NSMAF: variants seen among roughly 807,000 people sequenced by gnomAD.
NSMAF encodes the protein neutral sphingomyelinase activation associated factor.
A neutral mutation model predicts 134.9 loss-of-function variants in NSMAF; 90 were observed. The ratio of observed to expected loss-of-function variants is 0.67; its 90% CI spans 0.56 to 0.79. The LOEUF is 0.79. Ranked by LOEUF, NSMAF falls within the 30% of genes least tolerant of loss-of-function variation. The probability of loss-of-function intolerance (pLI) is 0.00; values close to 1 mark genes in which losing one functional copy is unlikely to be tolerated. For missense variants in NSMAF, 1,010 were observed against 1,119.0 expected, an observed-to-expected ratio of 0.90 and a Z score of 1.39; for synonymous variants, 358 against 389.6, an observed-to-expected ratio of 0.92 and a Z score of 0.96.
chr8:58,636,959 A>C (rs1311525488), intron 2 of NSMAF, among the ~76,000 whole-genome samples: 4 of 152,178 alleles, frequency 2.6e-5, no homozygotes, highest in Non-Finnish European at 4.4e-5. Flanking sequence ...TTATTTATCA[A>C]GTGTTACAAA....
chr8:58,659,170 G>A (rs558993247), intron 1 of NSMAF: 3 of 1,412,880 alleles, frequency 2.1e-6, no homozygotes, highest in East Asian at 5.9e-5. Context: ...TTAGAAAGGG[G>A]GTGCCCGCCG....
chr8:58,659,556 T>C lies in NSMAF; in HGVS notation c.59+17A>G. On this transcript the variant is annotated intron_variant, in intron 1 of 30. Transcript: ENST00000038176. The stretch of plus-strand genomic sequence containing the variant: ...GACTAGGCCCCCGGCTGGGCCCTTC[T>C]TCAGCTGGGCGCGCACCTCTCCTTG... The C allele has an allele frequency of 6.6e-7, 1 of 1,525,804 alleles. No individual in the cohort carries two copies. The highest frequency in any genetic ancestry group is 8.8e-7 in the Non-Finnish European group (1 of 1,137,444). 94.5% of individuals were successfully genotyped at this position (1,525,804 alleles called of 1,614,324 possible).
intron 9 of NSMAF, among the ~76,000 whole-genome samples, chr8:58,614,518 G>T (rs974599651): frequency 3.9e-5 from 6 of 152,214 alleles, no homozygotes; most frequent in African/African-American, 9.6e-5. Context: ...CATCTGGGTT[G>T]CATAGCAATG....
intron 11 of NSMAF, among the ~76,000 whole-genome samples, chr8:58,606,607 T>A (rs932671539): frequency 6.6e-6 from 1 of 152,130 alleles, no homozygotes; most frequent in African/African-American, 2.4e-5. Context: ...CCTAACAAAT[T>A]GATAATTGAA....
At chr8:58,615,824 T>C (rs1246604185) in intron 9 of NSMAF, among the ~76,000 whole-genome samples, 1 of 152,096 alleles carries the variant, frequency 6.6e-6, no homozygotes, top group Non-Finnish European at 1.5e-5. Context: ...AAAGTAGACA[T>C]CAACTATAAG....
Position 58,643,007 on chromosome 8 carries a change from C to A in NSMAF, c.126G>T (p.Leu42Phe), listed in dbSNP as rs778789355. 1.7e-5 allele frequency: 28 copies of A among 1,613,832 alleles called. No homozygotes were observed. The Middle Eastern group carries it at 6.6e-4, about 38-fold the overall frequency. ...ACCTTTCATGGTGACTGCCCTTGTG[C>A]AAAATGTGATTGGCTCTATGCTGTT... ...YFEQHRANHI[L>F]HKGSHHERKI... The change falls in exon 2 of 31, where the codon TTG (leucine) becomes TTT (phenylalanine). Residue 42 changes from leucine to phenylalanine, a missense_variant. Leu to Phe is a conservative substitution (Grantham distance 22). Transcript: ENST00000038176.
intron 7 of NSMAF, 91 bp downstream of exon 7, chr8:58,623,618 T>A: frequency 8.5e-7 from 1 of 1,182,672 alleles, no homozygotes; most frequent in African/African-American, 1.5e-5. Flanking sequence ...AGAAAACAGA[T>A]GATGATTTGG....
At chr8:58,639,662 A>C (rs528069055) in intron 2 of NSMAF, among the ~76,000 whole-genome samples, 114 of 152,366 alleles carry the variant, frequency 7.5e-4, no homozygotes, top group Non-Finnish European at 1.4e-3. Context: ...TCCCATGTTC[A>C]TTACAGTATT....
chr8:58,643,844 T>C (rs997808870), intron 1 of NSMAF, among the ~76,000 whole-genome samples: 3 of 152,346 alleles, frequency 2.0e-5, no homozygotes, highest in East Asian at 3.9e-4. Flanking sequence ...GATCTTTAGA[T>C]ATTCCCTTGT....
chr8:58,623,382 C>T lies in NSMAF; in HGVS notation c.499G>A (p.Ala167Thr), dbSNP rs367758314. The change falls in exon 8 of 31, where the codon GCC becomes ACC. Residue 167 changes from alanine (A) to threonine (T), a missense_variant. Ala to Thr is a moderately conservative substitution (Grantham distance 58, BLOSUM62 0). Transcript: ENST00000038176. ...ACATTGTTAAGAATACTTACCATGGCGGTTTGGTCACCCAATTTGTCAAGG... is the reference window on the plus strand; with the variant it reads ...ACATTGTTAAGAATACTTACCATGGTGGTTTGGTCACCCAATTTGTCAAGG... ...SCLDKLGDQTAMITAILQSRL... is the reference protein window; with the variant it reads ...SCLDKLGDQTTMITAILQSRL... The T allele has an allele frequency of 1.9e-5, 31 of 1,613,842 alleles. No individual in the cohort carries two copies. The highest frequency in any genetic ancestry group is 1.7e-4 in the Middle Eastern group (1 of 6,058).
At chr8:58,643,159 A>T (rs527615471) in intron 1 of NSMAF, 86 bp from the exon 2 acceptor site, 1 of 967,888 alleles carries the variant, frequency 1.0e-6, no homozygotes, top group African/African-American at 1.6e-5. Context: ...GATCCCAAAA[A>T]GCTTTTCCAT....
chr8:58,655,316 A>G (rs1807678018), intron 1 of NSMAF, among the ~76,000 whole-genome samples: 2 of 152,134 alleles, frequency 1.3e-5, no homozygotes, highest in Non-Finnish European at 2.9e-5. Context: ...CTGTCATCCC[A>G]ACACTCCACG....
At position 58,623,434 on chromosome 8, in the gene NSMAF, C is replaced by A; in HGVS notation, c.457-10G>T. 6.2e-7 allele frequency: 1 copy of A among 1,611,046 alleles called. No homozygotes were observed. ...AGGATGCTCTGTGAAGCTACAGTAT[C>A]ATAAACAGACATGAATTTATTTTTT... On this transcript the variant is annotated splice_polypyrimidine_tract_variant and intron_variant, in intron 7 of 30. Transcript: ENST00000038176.
chr8:58,608,753 A>G (rs140141320), intron 10 of NSMAF, among the ~76,000 whole-genome samples: 111 of 152,314 alleles, frequency 7.3e-4, no homozygotes, highest in African/African-American at 2.6e-3. Context: ...CCCACCACCT[A>G]GTGGACACAA....
intron 6 of NSMAF, among the ~76,000 whole-genome samples, chr8:58,626,262 AT>A (rs1171943460): frequency 1.4e-5 from 2 of 140,752 alleles, no homozygotes; most frequent in African/African-American, 5.3e-5. Context: ...CGCCCGGCTA[AT>A]TTTTTGTATT....
rs76103962 is a variant in NSMAF, at chr8:58,625,418, A to G, written c.385-1638T>C. ...CATATGTATGTATGTATGTATGTAT[A>G]TATATGTGTGAATGTATGTACACAC... is the stretch of plus-strand genomic sequence containing the variant. On this transcript the variant is annotated intron_variant, in intron 6 of 30. Coordinates refer to ENST00000038176, the MANE Select transcript of NSMAF (RefSeq NM_003580.4). 7.6e-3 allele frequency among the ~76,000 whole-genome samples: 700 copies of G among 92,576 alleles called. 5 individuals are homozygous for G. Among genetic ancestry groups the G allele is most frequent in the African/African-American group, 0.02 (589 of 29,706 alleles). 60.7% of individuals were successfully genotyped at this position (92,576 alleles called of 152,430 possible). A position where few individuals can be genotyped will look rare whatever the true frequency, so the allele number is the denominator to read the frequency against.
intron 6 of NSMAF, among the ~76,000 whole-genome samples, chr8:58,625,638 T>TC (rs1806913477): frequency 6.6e-6 from 1 of 152,228 alleles, no homozygotes; most frequent in Non-Finnish European, 1.5e-5. Flanking sequence ...GAATATTTTT[T>TC]CCCATCCTTT....
intron 22 of NSMAF, 83 bp downstream of exon 22, chr8:58,595,477 G>T: frequency 2.1e-6 from 2 of 946,030 alleles, no homozygotes; most frequent in Non-Finnish European, 1.7e-6. Flanking sequence ...CTCTGACTCA[G>T]CTTAAAACAG....
chr8:58,659,540 C>G lies in NSMAF; in HGVS notation c.59+33G>C, dbSNP rs1316200408. ...CCCCACGACCGGCCCCGACTAGGCC[C>G]CCGGCTGGGCCCTTCTTCAGCTGGG... On this transcript the variant is annotated intron_variant, in intron 1 of 30. Transcript: ENST00000038176. 3.3e-6 allele frequency: 5 copies of G among 1,523,466 alleles called. No individual in the cohort carries two copies. In the Admixed American group the frequency reaches 1.0e-4, roughly 31 times the overall value. 94.4% of individuals were successfully genotyped at this position (1,523,466 alleles called of 1,614,324 possible).
Sources: allele counts gnomAD v4.1 joint callset (sites outside exome capture counted in the v4.1 genomes callset), GRCh38; gene constraint gnomAD v4.1.1; transcripts MANE v1.5; gene names NCBI Gene and HGNC (gene_info 2026-07-23, HGNC 2026-07-21).